Variants in GPR158 observed in about 807,000 individuals in gnomAD.
GPR158 encodes G protein-coupled receptor 158.
In GPR158, 30 loss-of-function variants were observed where a neutral mutation model predicts 78.2. That is an observed-to-expected ratio of 0.38 (90% CI 0.29 to 0.52). GPR158 has a LOEUF of 0.52. Ranked by LOEUF, GPR158 falls within the 20% of genes least tolerant of loss-of-function variation. GPR158 has a pLI of 0.83. For missense variants in GPR158, 1,463 were observed against 1,523.5 expected (o/e 0.96, Z 0.66); for synonymous variants, 581 against 591.1 (o/e 0.98, Z 0.25).
At chr10:25,544,540 A>T (rs1045124192) in intron 5 of GPR158, among the ~76,000 whole-genome samples, 9 of 152,098 alleles carry the variant, frequency 5.9e-5, no homozygotes, top group Non-Finnish European at 2.9e-5. Flanking sequence ...TATTATTGTT[A>T]TTGGTACATA....
intron 5 of GPR158, among the ~76,000 whole-genome samples, chr10:25,468,253 C>G (rs182822879): frequency 1.3e-5 from 2 of 151,998 alleles, no homozygotes; most frequent in Non-Finnish European, 1.5e-5. Context: ...TTCTGGGGTG[C>G]GAAATTTTTT....
At chr10:25,348,543 A>G (rs866835359) in intron 2 of GPR158, among the ~76,000 whole-genome samples, 1 of 152,056 alleles carries the variant, frequency 6.6e-6, no homozygotes, top group Middle Eastern at 3.4e-3. Flanking sequence ...ACTGGTGTCA[A>G]AAGTTAACAG....
chr10:25,211,642 ACT>A (rs2130670136), intron 1 of GPR158, among the ~76,000 whole-genome samples: 1 of 152,106 alleles, frequency 6.6e-6, no homozygotes, highest in South Asian at 2.1e-4. Flanking sequence ...TAACACACGA[ACT>A]CTGGGGGACA....
At chr10:25,345,004 G>T (rs1172525535) in intron 2 of GPR158, among the ~76,000 whole-genome samples, 5 of 151,868 alleles carry the variant, frequency 3.3e-5, no homozygotes, top group Non-Finnish European at 7.4e-5. Context: ...CTGCCTTTAT[G>T]ACTTAATCAC....
intron 4 of GPR158, among the ~76,000 whole-genome samples, chr10:25,414,025 T>C (rs113880009): frequency 9.9e-5 from 15 of 152,062 alleles, no homozygotes; most frequent in Non-Finnish European, 1.2e-4. Context: ...GCAGGTAGAA[T>C]TGAAAGGTCT....
chr10:25,200,497 T>C (rs1862300381), intron 1 of GPR158, among the ~76,000 whole-genome samples: 1 of 152,230 alleles, frequency 6.6e-6, no homozygotes, highest in Non-Finnish European at 1.5e-5. Context: ...TTTCTTTTGC[T>C]GTGCAGAAGC....
At chr10:25,371,690 T>C (rs551564921) in intron 2 of GPR158, among the ~76,000 whole-genome samples, 1 of 133,498 alleles carries the variant, frequency 7.5e-6, no homozygotes, top group African/African-American at 2.8e-5. Flanking sequence ...CCTTACACCT[T>C]ATACAAAAAT....
chr10:25,208,604 GTA>G (rs1305946563), intron 1 of GPR158, among the ~76,000 whole-genome samples: 8 of 132,852 alleles, frequency 6.0e-5, no homozygotes, highest in Admixed American at 1.5e-4. Flanking sequence ...GTGTGTGTGT[GTA>G]TTAGAATTGA....
intron 5 of GPR158, among the ~76,000 whole-genome samples, chr10:25,525,202 C>T (rs1836331017): frequency 6.6e-6 from 1 of 152,160 alleles, no homozygotes; most frequent in South Asian, 2.1e-4. Flanking sequence ...GGTGCAGTCA[C>T]TCTCTAAAAC....
At chr10:25,326,186 A>G (rs1178664471) in intron 2 of GPR158, among the ~76,000 whole-genome samples, 1 of 152,158 alleles carries the variant, frequency 6.6e-6, no homozygotes, top group Non-Finnish European at 1.5e-5. Flanking sequence ...TTATAAGTGA[A>G]TAAGTGAGAA....
chr10:25,318,312 G>C (rs911122455), intron 2 of GPR158, among the ~76,000 whole-genome samples: 1 of 151,680 alleles, frequency 6.6e-6, no homozygotes, highest in Non-Finnish European at 1.5e-5. Context: ...CATCTTTCTC[G>C]GTGAGCACTG....
At chr10:25,479,378 T>C (rs1835632087) in intron 5 of GPR158, among the ~76,000 whole-genome samples, 1 of 152,084 alleles carries the variant, frequency 6.6e-6, no homozygotes, top group South Asian at 2.1e-4. Context: ...TATTATTGGA[T>C]CTTGAAGATA....
intron 2 of GPR158, among the ~76,000 whole-genome samples, chr10:25,296,868 A>G (rs1854522895): frequency 6.6e-6 from 1 of 152,204 alleles, no homozygotes; most frequent in Admixed American, 6.5e-5. Context: ...CTGCCTCTCT[A>G]TAAATACTCG....
chr10:25,241,414 T>TCTTCTCTTC lies in GPR158; in HGVS notation c.1008+20257_1008+20258insCTTCTCTTC, dbSNP rs1564399847. 1.1e-3 allele frequency among the ~76,000 whole-genome samples: 63 copies of TCTTCTCTTC among 54,944 alleles called. 1 individual carries two copies. The highest frequency in any genetic ancestry group is 3.0e-3 in the African/African-American group (39 of 13,098). 36.0% of individuals were successfully genotyped at this position (54,944 alleles called of 152,430 possible). A position where few individuals can be genotyped will look rare whatever the true frequency, so the allele number is the denominator to read the frequency against. On this transcript the variant is annotated intron_variant, in intron 2 of 10. Transcript: ENST00000376351. ...CTCTTCTCTTCTCTTCTCTTCTCTT[T>TCTTCTCTTC]TCTTTTCTTTTCTTTTCTTTTCTTT...
intron 5 of GPR158, among the ~76,000 whole-genome samples, chr10:25,495,872 T>G (rs760199672): frequency 2.6e-5 from 4 of 152,050 alleles, no homozygotes; most frequent in Non-Finnish European, 5.9e-5. Context: ...ATCATTTCCT[T>G]TAGAGCAGGA....
At chr10:25,593,087 A>T (rs927169197) in intron 8 of GPR158, among the ~76,000 whole-genome samples, 1 of 151,840 alleles carries the variant, frequency 6.6e-6, no homozygotes, top group Non-Finnish European at 1.5e-5. Flanking sequence ...AACGTGAGCT[A>T]TTGTGATGAG....
intron 4 of GPR158, among the ~76,000 whole-genome samples, chr10:25,450,714 C>T (rs1301708123): frequency 2.6e-5 from 4 of 152,074 alleles, no homozygotes; most frequent in African/African-American, 9.7e-5. Flanking sequence ...TCATTAATTC[C>T]TCTCTTCCTT....
At chr10:25,310,014 CCT>C (rs1379490604) in intron 2 of GPR158, among the ~76,000 whole-genome samples, 1 of 151,984 alleles carries the variant, frequency 6.6e-6, no homozygotes, top group Non-Finnish European at 1.5e-5. Flanking sequence ...AAGCTATTGC[CCT>C]CTGTTTTATA....
chr10:25,338,456 TATA>T (rs1443513456), intron 2 of GPR158, among the ~76,000 whole-genome samples: 1 of 136,454 alleles, frequency 7.3e-6, no homozygotes, highest in East Asian at 2.0e-4. Context: ...ACGTAATATA[TATA>T]TTACGTATAT....
Sources: gnomAD v4.1 joint callset for allele counts (sites outside exome capture counted in the v4.1 genomes callset) on GRCh38, gnomAD v4.1.1 for gene constraint, MANE v1.5 for transcripts, NCBI Gene and HGNC (gene_info 2026-07-23, HGNC 2026-07-21) for gene names.